The following NLGN1 variants were observed in gnomAD, a reference collection of about 807,000 sequenced individuals.
NLGN1 encodes the protein neuroligin 1, also known as neuroligin-1.
NLGN1 carries 12 observed loss-of-function variants against 65.5 expected under a neutral mutation model. The observed-to-expected ratio is 0.18, with a 90% CI of 0.12 to 0.30. The LOEUF (loss-of-function observed/expected upper bound fraction) is 0.30. Ranked by LOEUF, NLGN1 falls within the 10% of genes least tolerant of loss-of-function variation. The probability of loss-of-function intolerance (pLI) is 1.00; values close to 1 mark genes in which losing one functional copy is unlikely to be tolerated. For synonymous variants in NLGN1, 350 were observed against 359.5 expected (o/e 0.97, Z 0.30); for missense variants, 750 against 1,007.1 (o/e 0.74, Z 3.46).
intron 2 of NLGN1, among the ~76,000 whole-genome samples, chr3:173,482,411 T>C (rs1347515485): frequency 6.6e-6 from 1 of 151,958 alleles, no homozygotes; most frequent in African/African-American, 2.4e-5. Flanking sequence ...CTTCAGGTTT[T>C]GGTACTCTCA....
intron 3 of NLGN1, among the ~76,000 whole-genome samples, chr3:173,718,983 T>C (rs1169593115): frequency 6.6e-6 from 1 of 152,148 alleles, no homozygotes; most frequent in Non-Finnish European, 1.5e-5. Flanking sequence ...GAAATCCACT[T>C]TTCATACCAC....
intron 4 of NLGN1, among the ~76,000 whole-genome samples, chr3:174,003,601 T>C (rs1723746643): frequency 6.6e-6 from 1 of 152,196 alleles, no homozygotes; most frequent in Admixed American, 6.5e-5. Flanking sequence ...AGATATATTT[T>C]TCTACAAGAA....
intron 4 of NLGN1, among the ~76,000 whole-genome samples, chr3:174,186,135 A>G (rs953429700): frequency 6.6e-6 from 1 of 152,120 alleles, no homozygotes; most frequent in African/African-American, 2.4e-5. Context: ...ATCCTAAGTG[A>G]CTGTGAACAA....
At chr3:173,432,319 T>C (rs1204382553) in intron 1 of NLGN1, among the ~76,000 whole-genome samples, 1 of 152,246 alleles carries the variant, frequency 6.6e-6, no homozygotes, top group Non-Finnish European at 1.5e-5. Flanking sequence ...CTTGCAAAGA[T>C]GCTATACCAT....
intron 2 of NLGN1, among the ~76,000 whole-genome samples, chr3:173,507,198 C>T (rs1732176989): frequency 6.6e-6 from 1 of 151,942 alleles, no homozygotes; most frequent in African/African-American, 2.4e-5. Context: ...AAGAATTAAC[C>T]TCAGGTTTAT....
In NLGN1 at chr3:174,116,338, T is replaced by C. The variant is rs1339146241; in HGVS notation, c.647-158977T>C. 3.1e-4 allele frequency among the ~76,000 whole-genome samples: 41 copies of C among 134,396 alleles called. 2 individuals are homozygous for C. In the East Asian group the frequency reaches 4.0e-3, roughly 13 times the overall value. The allele number at this position is 134,396 out of a possible 152,430, so 88.2% of individuals were successfully genotyped here. ...GTTTTTTTCTGGGTTTTCTTTTTTT[T>C]TTTTTTTTTTTTTTTTTTTGAGACA... On this transcript the variant is annotated intron_variant, in intron 4 of 6. Coordinates refer to ENST00000457714, the Ensembl canonical transcript of NLGN1.
At chr3:173,998,268 A>T (rs930222463) in intron 4 of NLGN1, among the ~76,000 whole-genome samples, 1 of 152,126 alleles carries the variant, frequency 6.6e-6, no homozygotes, top group Non-Finnish European at 1.5e-5. Flanking sequence ...CCCCATTGCC[A>T]TATTACTTTG....
At chr3:174,230,587 G>A (rs563898395) in intron 4 of NLGN1, among the ~76,000 whole-genome samples, 4 of 152,196 alleles carry the variant, frequency 2.6e-5, no homozygotes, top group South Asian at 4.1e-4. Flanking sequence ...TATTCACCTT[G>A]GCATTATGTG....
intron 4 of NLGN1, among the ~76,000 whole-genome samples, chr3:174,197,776 GTA>G (rs1553960608): frequency 2.6e-5 from 4 of 151,100 alleles, no homozygotes; most frequent in Admixed American, 1.3e-4. Flanking sequence ...GTGTGTGTGT[GTA>G]TGTAGATAAG....
chr3:173,823,841 A>G (rs1578630327), intron 4 of NLGN1, among the ~76,000 whole-genome samples: 1 of 152,070 alleles, frequency 6.6e-6, no homozygotes, highest in African/African-American at 2.4e-5. Context: ...TGATATGAAT[A>G]TATTATGTAT....
chr3:173,438,062 A>C (rs1289550197), intron 2 of NLGN1, among the ~76,000 whole-genome samples: 2 of 152,116 alleles, frequency 1.3e-5, no homozygotes, highest in Non-Finnish European at 2.9e-5. Context: ...AAGGGAAGTG[A>C]GTCCTGAAGG....
chr3:174,190,399 A>G (rs1465807465), intron 4 of NLGN1, among the ~76,000 whole-genome samples: 2 of 152,046 alleles, frequency 1.3e-5, no homozygotes, highest in Non-Finnish European at 2.9e-5. Flanking sequence ...GTGCCTGGAG[A>G]AGTACATTTA....
chr3:173,604,349 C>T (rs1751032127), exon 3 of NLGN1: 1 of 472,210 alleles, frequency 2.1e-6, no homozygotes, highest in African/African-American at 1.9e-5. Flanking sequence ...ACTCTTGCCA[C>T]ACTGCTAATA....
intron 4 of NLGN1, among the ~76,000 whole-genome samples, chr3:174,048,857 T>C (rs1349801829): frequency 6.6e-6 from 1 of 152,104 alleles, no homozygotes; most frequent in Admixed American, 6.6e-5. Flanking sequence ...TAACTATAGA[T>C]GCTAGGTACC....
chr3:173,470,457 T>C (rs1293648307), intron 2 of NLGN1, among the ~76,000 whole-genome samples: 1 of 152,040 alleles, frequency 6.6e-6, no homozygotes, highest in African/African-American at 2.4e-5. Context: ...CCTGACCTCA[T>C]CCTTTATCCC....
At chr3:173,987,860 A>G (rs1027074217) in intron 4 of NLGN1, among the ~76,000 whole-genome samples, 1 of 152,174 alleles carries the variant, frequency 6.6e-6, no homozygotes, top group Non-Finnish European at 1.5e-5. Flanking sequence ...TGTATTGACA[A>G]CTAATGAAAT....
intron 2 of NLGN1, among the ~76,000 whole-genome samples, chr3:173,533,384 G>A (rs1736910520): frequency 6.6e-6 from 1 of 152,098 alleles, no homozygotes; most frequent in African/African-American, 2.4e-5. Flanking sequence ...AATTAACACT[G>A]TTATAAGCTG....
intron 4 of NLGN1, among the ~76,000 whole-genome samples, chr3:173,949,201 C>T (rs2152325341): frequency 6.6e-6 from 1 of 152,152 alleles, no homozygotes; most frequent in South Asian, 2.1e-4. Context: ...TTTTATTATA[C>T]TTGCAAATCT....
At chr3:173,875,731 A>G (rs1553877450) in intron 4 of NLGN1, among the ~76,000 whole-genome samples, 1 of 152,196 alleles carries the variant, frequency 6.6e-6, no homozygotes, top group Non-Finnish European at 1.5e-5. Context: ...TTAGGCTTAT[A>G]ATATTAACAG....
Sources: allele counts gnomAD v4.1 joint callset (sites outside exome capture counted in the v4.1 genomes callset), GRCh38; gene constraint gnomAD v4.1.1; transcripts MANE v1.5; gene names NCBI Gene and HGNC (gene_info 2026-07-23, HGNC 2026-07-21).